The following NEK7 variants were observed in gnomAD, a reference collection of about 807,000 sequenced individuals.
NEK7 encodes the protein serine/threonine-protein kinase Nek7.
In NEK7, 18 loss-of-function variants were observed where a neutral mutation model predicts 44.6. That is an observed-to-expected ratio of 0.40 (90% CI 0.28 to 0.60). The LOEUF (loss-of-function observed/expected upper bound fraction) is 0.60. NEK7 is among the 20% of genes least tolerant of loss of function. The pLI, the probability that NEK7 is intolerant of heterozygous loss-of-function variation, is 0.38. For synonymous variants in NEK7, 130 were observed against 121.1 expected, an observed-to-expected ratio of 1.07 and a Z score of -0.48; for missense variants, 256 against 366.5, an observed-to-expected ratio of 0.70 and a Z score of 2.46.
intron 1 of NEK7, among the ~76,000 whole-genome samples, chr1:198,216,438 TAA>T (rs1252962460): frequency 6.6e-6 from 1 of 151,932 alleles, no homozygotes; most frequent in Non-Finnish European, 1.5e-5. Context: ...AAGACAGTGT[TAA>T]GAGGAAAGTT....
At chr1:198,309,677 A>C (rs1214050953) in intron 9 of NEK7, among the ~76,000 whole-genome samples, 1 of 148,680 alleles carries the variant, frequency 6.7e-6, no homozygotes, top group Non-Finnish European at 1.5e-5. Context: ...CCCACCTATG[A>C]GTGAGAATAT....
chr1:198,163,855 GT>G (rs1173738931), intron 1 of NEK7, among the ~76,000 whole-genome samples: 2 of 152,104 alleles, frequency 1.3e-5, no homozygotes, highest in African/African-American at 4.8e-5. Flanking sequence ...TTAAAATAAA[GT>G]TTTAATAATG....
intron 5 of NEK7, among the ~76,000 whole-genome samples, chr1:198,270,431 A>G (rs1182104466): frequency 6.6e-6 from 1 of 152,056 alleles, no homozygotes; most frequent in Admixed American, 6.6e-5. Context: ...AGAGAATGTC[A>G]TACCGTATCA....
intron 1 of NEK7, among the ~76,000 whole-genome samples, chr1:198,216,064 G>A (rs753383982): frequency 2.3e-4 from 35 of 152,010 alleles, no homozygotes; most frequent in Admixed American, 9.8e-4. Context: ...AACCTGCACC[G>A]TAAACAAATG....
chr1:198,301,046 A>C (rs1167470810), intron 9 of NEK7, among the ~76,000 whole-genome samples: 1 of 152,234 alleles, frequency 6.6e-6, no homozygotes, highest in African/African-American at 2.4e-5. Context: ...TTTGTTCACA[A>C]ACTTATCTCA....
chr1:198,238,084 T>C (rs1197337182), intron 2 of NEK7, among the ~76,000 whole-genome samples: 2 of 152,200 alleles, frequency 1.3e-5, no homozygotes, highest in Non-Finnish European at 2.9e-5. Context: ...TGAAAATACA[T>C]AAATATCTTC....
chr1:198,171,650 G>A (rs1016439162), intron 1 of NEK7, among the ~76,000 whole-genome samples: 3 of 151,356 alleles, frequency 2.0e-5, no homozygotes, highest in African/African-American at 7.3e-5. Flanking sequence ...CTGCACTCCA[G>A]CCTGGGCGAC....
intron 5 of NEK7, among the ~76,000 whole-genome samples, chr1:198,268,588 T>TGATACGG: frequency 6.6e-6 from 1 of 152,132 alleles, no homozygotes; most frequent in Non-Finnish European, 1.5e-5. Context: ...CCATCAGTCT[T>TGATACGG]TAAGACGTTA....
rs938083637 is a variant in NEK7, at chr1:198,263,493, A to G, written c.262-632A>G. Among the ~76,000 whole-genome samples the G allele has an allele frequency of 2.0e-5, 3 of 152,084 alleles. No homozygotes were observed. The Middle Eastern group carries it at 0.01, about 521-fold the overall frequency. On this transcript the variant is annotated intron_variant, in intron 4 of 9. Transcript: ENST00000367385. ...GCATAATTTCTCAGAGAAACAATTC[A>G]TCTTGTATTAATATGTTTAAAGATT...
chr1:198,303,091 C>T (rs752863949), intron 9 of NEK7, among the ~76,000 whole-genome samples: 1 of 152,108 alleles, frequency 6.6e-6, no homozygotes, highest in Non-Finnish European at 1.5e-5. Context: ...TTAGAATACT[C>T]TTCTGGCTCA....
At chr1:198,317,882 T>TG (rs57928757) in intron 9 of NEK7, among the ~76,000 whole-genome samples, 1,954 of 133,866 alleles carry the variant, frequency 0.015, 88 homozygotes, top group African/African-American at 0.043. Flanking sequence ...TATTTATTTT[T>TG]TTTTTTTTTT....
At chr1:198,296,444 A>G (rs1571612775) in intron 8 of NEK7, among the ~76,000 whole-genome samples, 1 of 152,158 alleles carries the variant, frequency 6.6e-6, no homozygotes, top group Non-Finnish European at 1.5e-5. Context: ...TGTCTTTTTT[A>G]AAGTTGTTCA....
chr1:198,194,172 A>G (rs776398147), intron 1 of NEK7, among the ~76,000 whole-genome samples: 7 of 152,178 alleles, frequency 4.6e-5, no homozygotes, highest in Non-Finnish European at 5.9e-5. Flanking sequence ...CTTTATTGGA[A>G]ATCCGGATGG....
At chr1:198,231,301 G>A (rs5779912) in intron 1 of NEK7, among the ~76,000 whole-genome samples, 10,139 of 83,402 alleles carry the variant, frequency 0.12, 735 homozygotes, top group African/African-American at 0.25. Flanking sequence ...ATGTGTGTGT[G>A]TATATATATA....
chr1:198,165,153 C>A (rs958644479), intron 1 of NEK7, among the ~76,000 whole-genome samples: 1 of 152,224 alleles, frequency 6.6e-6, no homozygotes, highest in Non-Finnish European at 1.5e-5. Flanking sequence ...GTAGTGACTT[C>A]CTTCACTGAA....
At chr1:198,212,804 A>T (rs1384381650) in intron 1 of NEK7, among the ~76,000 whole-genome samples, 2 of 152,248 alleles carry the variant, frequency 1.3e-5, no homozygotes, top group African/African-American at 4.8e-5. Context: ...TCCCGGCTGG[A>T]GGCCAACCAG....
intron 9 of NEK7, among the ~76,000 whole-genome samples, chr1:198,309,497 G>T (rs1305464418): frequency 6.6e-6 from 1 of 151,934 alleles, no homozygotes; most frequent in Non-Finnish European, 1.5e-5. Flanking sequence ...TGCACAATGT[G>T]CAGGTTAGTT....
rs572515956 is a variant in NEK7 at position 198,230,623 on chromosome 1, G to A, written c.-28-1930G>A. Reference sequence around the variant, plus strand: ...TTTCCTAAGATTAGGAAAAAGGAAAGGATGTCTGCTCTCTACTTCTATTCA... The same window carrying A: ...TTTCCTAAGATTAGGAAAAAGGAAAAGATGTCTGCTCTCTACTTCTATTCA... On this transcript the variant is annotated intron_variant, in intron 1 of 9. Coordinates refer to ENST00000367385, the MANE Select transcript of NEK7 (RefSeq NM_133494.3). 3.3e-5 allele frequency among the ~76,000 whole-genome samples: 5 copies of A among 152,080 alleles called. No homozygotes were observed. The South Asian group carries it at 1.0e-3, about 32-fold the overall frequency.
At chr1:198,224,080 G>GAA in intron 1 of NEK7, among the ~76,000 whole-genome samples, 1 of 152,206 alleles carries the variant, frequency 6.6e-6, no homozygotes, top group East Asian at 1.9e-4. Context: ...AATGGTTATT[G>GAA]AAATACTTCT....
Sources: allele counts gnomAD v4.1 joint callset (sites outside exome capture counted in the v4.1 genomes callset), GRCh38; gene constraint gnomAD v4.1.1; transcripts MANE v1.5; gene names NCBI Gene and HGNC (gene_info 2026-07-23, HGNC 2026-07-21).